Variants in MAGI1 observed in about 807,000 individuals in gnomAD.
The protein encoded by MAGI1 is membrane associated guanylate kinase, WW and PDZ domain containing 1, also known as membrane-associated guanylate kinase, WW and PDZ domain-containing protein 1.
Under a neutral mutation model 139.9 loss-of-function variants are expected in MAGI1, and 58 were observed. The observed-to-expected ratio is 0.41, with a 90% CI of 0.34 to 0.52. The LOEUF (loss-of-function observed/expected upper bound fraction) is 0.52, where lower values mean the gene tolerates loss of function less well. Ranked by LOEUF, MAGI1 falls within the 20% of genes least tolerant of loss-of-function variation. The probability of loss-of-function intolerance (pLI) is 0.12; values close to 1 mark genes in which losing one functional copy is unlikely to be tolerated. For missense variants in MAGI1, 1,874 were observed against 1,901.6 expected (o/e 0.99, Z 0.27); for synonymous variants, 812 against 737.9 (o/e 1.10, Z -1.63).
At position 65,680,855 on chromosome 3, in the gene MAGI1, CAT is replaced by C. The variant is rs534585302; in HGVS notation, c.314-58769_314-58768del. ...AGCAATTATGGGACAACCAGGCACA[CAT>C]ACTAGAATTATCCTCCCAGGCAAGT... is the stretch of plus-strand genomic sequence containing the variant. On this transcript the variant is annotated intron_variant, in intron 1 of 22. Transcript: ENST00000402939. Among the ~76,000 whole-genome samples, 14 of 152,254 alleles carry C rather than the reference CAT, an allele frequency of 9.2e-5. No homozygotes were observed. In the East Asian group the frequency reaches 2.7e-3, roughly 29 times the overall value.
chr3:65,589,829 G>T (rs950490047), intron 2 of MAGI1, among the ~76,000 whole-genome samples: 1 of 145,090 alleles, frequency 6.9e-6, no homozygotes, highest in African/African-American at 2.7e-5. Context: ...GGTTGCCAGG[G>T]TGGTTTTCAA....
At chr3:65,765,263 TGAACCTTTACCAAAG>T (rs1447714022) in intron 1 of MAGI1, among the ~76,000 whole-genome samples, 3 of 152,202 alleles carry the variant, frequency 2.0e-5, no homozygotes, top group African/African-American at 7.2e-5. Flanking sequence ...GTTTTGGGAA[TGAACCTTTACCAAAG>T]GAGGGGAAAG....
intron 1 of MAGI1, among the ~76,000 whole-genome samples, chr3:65,830,535 T>C (rs1175312028): frequency 6.6e-6 from 1 of 152,176 alleles, no homozygotes; most frequent in Non-Finnish European, 1.5e-5. Context: ...ACAACTTCTC[T>C]CAGTGGACAC....
chr3:65,523,809 A>T (rs2078267423), intron 2 of MAGI1, among the ~76,000 whole-genome samples: 2 of 152,220 alleles, frequency 1.3e-5, no homozygotes, highest in South Asian at 4.1e-4. Context: ...CCTTAGGGGT[A>T]AAAATATCCC....
At chr3:65,613,083 G>C (rs1468280413) in intron 2 of MAGI1, among the ~76,000 whole-genome samples, 1 of 152,046 alleles carries the variant, frequency 6.6e-6, no homozygotes, top group Non-Finnish European at 1.5e-5. Flanking sequence ...GTGATTGCAG[G>C]CAGAAAAATA....
At chr3:65,666,260 G>A (rs780177909) in intron 1 of MAGI1, among the ~76,000 whole-genome samples, 1 of 152,082 alleles carries the variant, frequency 6.6e-6, no homozygotes, top group Non-Finnish European at 1.5e-5. Flanking sequence ...AGTAGCCAGG[G>A]CACTGTACAA....
chr3:65,807,928 G>A (rs183422365), intron 1 of MAGI1, among the ~76,000 whole-genome samples: 17 of 152,118 alleles, frequency 1.1e-4, no homozygotes, highest in Non-Finnish European at 2.2e-4. Context: ...GATTTAAAAT[G>A]AGACCCAGCC....
chr3:65,419,797 T>C (rs1022061114), intron 12 of MAGI1, among the ~76,000 whole-genome samples: 13 of 152,158 alleles, frequency 8.5e-5, no homozygotes, highest in Non-Finnish European at 1.8e-4. Flanking sequence ...TACAGTTTTC[T>C]TGGAACACAA....
At chr3:65,723,636 C>T (rs549214769) in intron 1 of MAGI1, among the ~76,000 whole-genome samples, 2 of 152,244 alleles carry the variant, frequency 1.3e-5, no homozygotes, top group East Asian at 1.9e-4. Context: ...CAACATCAGT[C>T]GACACAGATA....
At chr3:65,756,154 C>A (rs2036544822) in intron 1 of MAGI1, among the ~76,000 whole-genome samples, 1 of 152,250 alleles carries the variant, frequency 6.6e-6, no homozygotes, top group South Asian at 2.1e-4. Context: ...AATTGATCCC[C>A]TCTTACAGAG....
At chr3:65,953,184 G>C (rs1450662081) in intron 1 of MAGI1, among the ~76,000 whole-genome samples, 2 of 152,148 alleles carry the variant, frequency 1.3e-5, no homozygotes, top group East Asian at 3.9e-4. Flanking sequence ...CAAAGGTTCT[G>C]ATCAAATCTT....
At chr3:65,887,332 C>T (rs1336544314) in intron 1 of MAGI1, among the ~76,000 whole-genome samples, 3 of 134,860 alleles carry the variant, frequency 2.2e-5, no homozygotes, top group African/African-American at 8.4e-5. Flanking sequence ...TTTAGTAATA[C>T]ACAAAAACTA....
At chr3:65,368,970 C>T (rs1941709599) in intron 18 of MAGI1, among the ~76,000 whole-genome samples, 1 of 152,216 alleles carries the variant, frequency 6.6e-6, no homozygotes, top group South Asian at 2.1e-4. Context: ...CTCTCCCACT[C>T]CATGGGGCAT....
intron 21 of MAGI1, among the ~76,000 whole-genome samples, chr3:65,363,211 AT>A: frequency 6.6e-6 from 1 of 152,328 alleles, no homozygotes; most frequent in Non-Finnish European, 1.5e-5. Context: ...ACTTTAATAT[AT>A]TTGAAAGTAA....
At chr3:65,382,218 T>C in intron 15 of MAGI1, 149 bp from the exon 16 acceptor site, 1 of 601,162 alleles carries the variant, frequency 1.7e-6, no homozygotes, top group Non-Finnish European at 2.8e-6. Context: ...TACAAGACAT[T>C]GTGCTAAGCA....
At chr3:65,379,612 G>T (rs1942871951) in intron 16 of MAGI1, 58 bp from the exon 17 acceptor site, 3 of 1,554,968 alleles carry the variant, frequency 1.9e-6, no homozygotes, top group South Asian at 1.2e-5. Flanking sequence ...CCATCCTGCT[G>T]CCCCTCCCTC....
At chr3:65,605,218 AC>A (rs1306157971) in intron 2 of MAGI1, among the ~76,000 whole-genome samples, 1 of 152,218 alleles carries the variant, frequency 6.6e-6, no homozygotes, top group Non-Finnish European at 1.5e-5. Flanking sequence ...TTAAAATTGC[AC>A]AATTTACAAT....
chr3:65,498,651 T>A (rs1252598490), intron 2 of MAGI1, among the ~76,000 whole-genome samples: 1 of 152,140 alleles, frequency 6.6e-6, no homozygotes, highest in African/African-American at 2.4e-5. Context: ...ACATAACAAG[T>A]TGGGCAGAGC....
chr3:65,397,467 C>T (rs1190606741), intron 13 of MAGI1, among the ~76,000 whole-genome samples: 2 of 151,726 alleles, frequency 1.3e-5, no homozygotes, highest in African/African-American at 2.4e-5. Flanking sequence ...TTCTTCAATG[C>T]GGATGGGCAC....
Sources: gnomAD v4.1 joint callset for allele counts (sites outside exome capture counted in the v4.1 genomes callset) on GRCh38, gnomAD v4.1.1 for gene constraint, MANE v1.5 for transcripts, NCBI Gene and HGNC (gene_info 2026-07-23, HGNC 2026-07-21) for gene names.